Variants in CDH18 observed in about 807,000 individuals in gnomAD.
CDH18 encodes cadherin-18.
A neutral mutation model predicts 67.9 loss-of-function variants in CDH18; 31 were observed. The observed-to-expected ratio is 0.46, with a 90% confidence interval of 0.34 to 0.62. The LOEUF (loss-of-function observed/expected upper bound fraction) is 0.62, where lower values mean the gene tolerates loss of function less well. CDH18 is among the 20% of genes least tolerant of loss of function. The pLI, the probability that CDH18 is intolerant of heterozygous loss-of-function variation, is 0.01. For missense variants in CDH18, 890 were observed against 975.5 expected (o/e 0.91, Z 1.17); for synonymous variants, 362 against 347.2 (o/e 1.04, Z -0.48).
chr5:20,241,888 A>ATATATG (rs1554106512), intron 2 of CDH18, among the ~76,000 whole-genome samples: 1,163 of 78,132 alleles, frequency 0.015, 22 homozygotes, highest in African/African-American at 0.058. Flanking sequence ...AAATATATAT[A>ATATATG]TATGTATATA....
At chr5:20,456,986 T>C (rs1350019726) in intron 1 of CDH18, among the ~76,000 whole-genome samples, 1 of 152,216 alleles carries the variant, frequency 6.6e-6, no homozygotes. Context: ...GTGTACATGT[T>C]CTAACATTAT....
intron 1 of CDH18, among the ~76,000 whole-genome samples, chr5:20,496,268 T>C (rs1753899900): frequency 6.6e-6 from 1 of 152,110 alleles, no homozygotes; most frequent in Non-Finnish European, 1.5e-5. Context: ...CAATTTATCT[T>C]TAGGTTTCTA....
chr5:19,559,934 A>AAAAAAAAC (rs1739152122), intron 8 of CDH18, among the ~76,000 whole-genome samples: 2 of 151,472 alleles, frequency 1.3e-5, no homozygotes, highest in Non-Finnish European at 3.0e-5. Context: ...ACAAAAAAAA[A>AAAAAAAAC]ACTCAGGAAT....
chr5:19,945,845 C>T (rs1364517491), intron 2 of CDH18, among the ~76,000 whole-genome samples: 6 of 151,974 alleles, frequency 3.9e-5, no homozygotes, highest in Non-Finnish European at 7.4e-5. Context: ...AAAAAACTAA[C>T]AGACTCAAAA....
intron 1 of CDH18, among the ~76,000 whole-genome samples, chr5:20,356,055 C>A (rs1431809111): frequency 6.6e-6 from 1 of 152,112 alleles, no homozygotes; most frequent in Non-Finnish European, 1.5e-5. Context: ...TCGATCAAAG[C>A]ATTAAAATTT....
At chr5:19,765,855 A>G (rs1581249436) in intron 3 of CDH18, among the ~76,000 whole-genome samples, 1 of 147,652 alleles carries the variant, frequency 6.8e-6, no homozygotes, top group East Asian at 2.0e-4. Flanking sequence ...TAAGTTCATT[A>G]AAAATGGAAA....
intron 5 of CDH18, among the ~76,000 whole-genome samples, chr5:19,640,785 T>C (rs181722073): frequency 1.3e-5 from 2 of 151,384 alleles, no homozygotes; most frequent in African/African-American, 4.8e-5. Flanking sequence ...CTCAAGAAAC[T>C]AGAGAGAGTA....
At chr5:19,529,861 T>C (rs1748318281) in intron 9 of CDH18, among the ~76,000 whole-genome samples, 1 of 152,142 alleles carries the variant, frequency 6.6e-6, no homozygotes, top group Non-Finnish European at 1.5e-5. Flanking sequence ...CATTGAGGTG[T>C]CCATGCTCCC....
intron 9 of CDH18, among the ~76,000 whole-genome samples, chr5:19,539,402 A>G (rs1444366627): frequency 6.6e-6 from 1 of 152,184 alleles, no homozygotes; most frequent in Admixed American, 6.5e-5. Flanking sequence ...TATTTTGGTG[A>G]TGACTGCAAA....
intron 9 of CDH18, among the ~76,000 whole-genome samples, chr5:19,540,427 T>C (rs1179522368): frequency 6.6e-6 from 1 of 152,080 alleles, no homozygotes; most frequent in African/African-American, 2.4e-5. Context: ...GTTGGCCCTC[T>C]TCTCACAGCT....
intron 1 of CDH18, among the ~76,000 whole-genome samples, chr5:20,502,316 G>A (rs779598678): frequency 2.6e-5 from 4 of 152,122 alleles, no homozygotes; most frequent in African/African-American, 4.8e-5. Context: ...ATATGAGTAA[G>A]AGAAAATATA....
At chr5:19,510,538 T>C (rs1561231875) in intron 10 of CDH18, among the ~76,000 whole-genome samples, 1 of 152,168 alleles carries the variant, frequency 6.6e-6, no homozygotes, top group African/African-American at 2.4e-5. Context: ...TATAGTGTTT[T>C]AAAGTGCAAA....
rs143162903 is a variant in CDH18, at chr5:20,122,030, C to G, written c.-517-130016G>C. 4.6e-3 allele frequency among the ~76,000 whole-genome samples: 702 copies of G among 152,224 alleles called. 7 individuals are homozygous for G. Among genetic ancestry groups the G allele is most frequent in the African/African-American group, 0.016 (648 of 41,552 alleles). On this transcript the variant is annotated intron_variant, in intron 2 of 14. Transcript: ENST00000507958. ...GCTTAGAACAGCACTGTTGATCCCTCCCCCCTCTCACAATGAAGTATGTAG... is the reference window on the plus strand; with the variant it reads ...GCTTAGAACAGCACTGTTGATCCCTGCCCCCTCTCACAATGAAGTATGTAG...
chr5:19,671,217 A>C (rs1758707446), intron 5 of CDH18, among the ~76,000 whole-genome samples: 2 of 152,160 alleles, frequency 1.3e-5, no homozygotes, highest in Non-Finnish European at 2.9e-5. Context: ...AAAACTGATG[A>C]GAATTTATGT....
At chr5:20,425,133 T>C (rs920661235) in intron 1 of CDH18, among the ~76,000 whole-genome samples, 3 of 151,004 alleles carry the variant, frequency 2.0e-5, no homozygotes, top group African/African-American at 7.4e-5. Context: ...TTTGGGAGGC[T>C]GAGGCAGGCA....
intron 8 of CDH18, 115 bp from the exon 9 acceptor site, chr5:19,544,120 A>G (rs1026755060): frequency 3.0e-5 from 13 of 427,886 alleles, no homozygotes; most frequent in African/African-American, 1.8e-4. Context: ...TTTAAATTCT[A>G]TATTTGATTA....
chr5:20,397,340 C>G (rs1480888781), intron 1 of CDH18, among the ~76,000 whole-genome samples: 1 of 152,012 alleles, frequency 6.6e-6, no homozygotes, highest in African/African-American at 2.4e-5. Context: ...CCACGCTGGC[C>G]GGGCTGGCCT....
chr5:20,456,587 A>G (rs1056615081), intron 1 of CDH18, among the ~76,000 whole-genome samples: 7 of 152,140 alleles, frequency 4.6e-5, no homozygotes, highest in African/African-American at 1.7e-4. Flanking sequence ...AAAATTCAGT[A>G]TTTCTCTCAA....
intron 3 of CDH18, 120 bp downstream of exon 3, chr5:19,838,639 T>A (rs1781932465): frequency 1.5e-6 from 1 of 649,866 alleles, no homozygotes; most frequent in East Asian, 2.7e-5. Flanking sequence ...TATAGCGTAA[T>A]TCACTCTACA....
Sources: allele counts gnomAD v4.1 joint callset (sites outside exome capture counted in the v4.1 genomes callset), GRCh38; gene constraint gnomAD v4.1.1; transcripts MANE v1.5; gene names NCBI Gene and HGNC (gene_info 2026-07-23, HGNC 2026-07-21).